The following COA6 variants were observed in gnomAD, a reference collection of about 807,000 sequenced individuals.
The protein encoded by COA6 is cytochrome c oxidase assembly factor 6, also known as cytochrome c oxidase assembly factor 6 homolog.
COA6 carries 12 observed loss-of-function variants against 17.1 expected under a neutral mutation model. The observed-to-expected ratio is 0.70, with a 90% CI of 0.45 to 1.14. The LOEUF (loss-of-function observed/expected upper bound fraction) is 1.14. Among genes scored for constraint, COA6 ranks in the 50% most tolerant of loss-of-function variants. The probability of loss-of-function intolerance (pLI) is 0.00; values close to 1 mark genes in which losing one functional copy is unlikely to be tolerated. For synonymous variants in COA6, 90 were observed against 73.4 expected, an observed-to-expected ratio of 1.23 and a Z score of -1.16; for missense variants, 246 against 196.5, an observed-to-expected ratio of 1.25 and a Z score of -1.51.
intron 2 of COA6, among the ~76,000 whole-genome samples, chr1:234,380,670 G>A (rs949987185): frequency 2.8e-4 from 43 of 152,154 alleles, no homozygotes; most frequent in African/African-American, 9.9e-4. Context: ...GTTCTCTCTC[G>A]TACTCACATA....
Position 234,383,774 on chromosome 1 carries a change from GA to G in COA6, c.426del (p.Ala143GlnfsTer27). On this transcript the variant is annotated frameshift_variant, in exon 3 of 3. Coordinates refer to ENST00000366615, the MANE Select transcript of COA6 (RefSeq NM_001206641.3). LOFTEE classifies it high-confidence loss of function. Reference protein sequence around the residue: ...RDYLKFKEKFEAGQFEPSETT... With the variant: ...RDYLKFKEKFXAGQFEPSETT... Reference sequence around the variant, plus strand: ...CTACTTAAAATTCAAAGAAAAATTTGAAGCAGGACAATTTGAGCCTTCAGAA... The same window carrying G: ...CTACTTAAAATTCAAAGAAAAATTTGAGCAGGACAATTTGAGCCTTCAGAA... The G allele has an allele frequency of 6.4e-7, 1 of 1,574,610 alleles. No individual in the cohort carries two copies. Among genetic ancestry groups the G allele is most frequent in the Non-Finnish European group, 8.7e-7 (1 of 1,147,930 alleles).
chr1:234,374,506 G>A (rs1038241502), intron 2 of COA6, 117 bp downstream of exon 2: 50 of 1,059,274 alleles, frequency 4.7e-5, no homozygotes, highest in Non-Finnish European at 6.4e-5. Flanking sequence ...TTTCTTTGAG[G>A]CGCAGAGAAA....
intron 2 of COA6, 109 bp from the exon 3 acceptor site, chr1:234,383,614 A>G (rs1391854013): frequency 5.0e-6 from 3 of 600,070 alleles, no homozygotes; most frequent in South Asian, 2.2e-5. Flanking sequence ...GTTCTAGAAT[A>G]TAAATCACTT....
chr1:234,383,572 T>TCACA (rs1221907682), intron 2 of COA6, 151 bp from the exon 3 acceptor site: 1 of 362,820 alleles, frequency 2.8e-6, no homozygotes, highest in Non-Finnish European at 4.7e-6. Context: ...TAGTTACAGC[T>TCACA]GACACACACA....
At chr1:234,374,187 T>A in intron 1 of COA6, 43 bp from the exon 2 acceptor site, 2 of 1,566,088 alleles carry the variant, frequency 1.3e-6, no homozygotes, top group Non-Finnish European at 1.7e-6. Flanking sequence ...CTCTTCAGAT[T>A]ACAAAGTTCA....
In COA6 at chr1:234,383,733, T is replaced by TTGA; in HGVS notation, c.385_387dup (p.Asp129dup). The TTGA allele has an allele frequency of 2.8e-6, 4 of 1,424,640 alleles. No homozygotes were observed. The African/African-American group carries it at 4.3e-5, about 15-fold the overall frequency. The allele number at this position is 1,424,640 out of a possible 1,614,324, so 88.2% of individuals were successfully genotyped here. On this transcript the variant is annotated inframe_insertion, in exon 3 of 3. Transcript: ENST00000366615. ...TTTTTTTTCCAACAGATAAAATATT[T>TTGA]TGATAAAAGAAGAGACTACTTAAAA...
At chr1:234,383,396 A>AG (rs372390744) in intron 2 of COA6, among the ~76,000 whole-genome samples, 13 of 78,064 alleles carry the variant, frequency 1.7e-4, no homozygotes, top group South Asian at 5.3e-4. Context: ...GGGTGGGGGG[A>AG]GGGGGGGACA....
chr1:234,373,906 G>C, intron 1 of COA6: 1 of 1,559,516 alleles, frequency 6.4e-7, no homozygotes, highest in Non-Finnish European at 8.7e-7. Flanking sequence ...AACGGGCTCG[G>C]AGAGAATAAA....
rs1274191277 is a variant in COA6, at chr1:234,384,982, T to TAGTA, written c.*1168_*1171dup. Among the ~76,000 whole-genome samples, 1 of 152,230 alleles carries TAGTA rather than the reference T, an allele frequency of 6.6e-6. No homozygotes were observed. The highest frequency in any genetic ancestry group is 2.4e-5 in the African/African-American group (1 of 41,448). On this transcript the variant is annotated 3_prime_UTR_variant, in exon 3 of 3. Coordinates refer to ENST00000366615, the MANE Select transcript of COA6 (RefSeq NM_001206641.3). ...TAGAAGTTATGTTTATACTGTTGTCTAGTAAGTGTGCAATAGCATTATGTC... is the reference window on the plus strand; with the variant it reads ...TAGAAGTTATGTTTATACTGTTGTCTAGTAAGTAAGTGTGCAATAGCATTATGTC...
At chr1:234,381,525 C>G (rs1658971762) in intron 2 of COA6, among the ~76,000 whole-genome samples, 1 of 152,186 alleles carries the variant, frequency 6.6e-6, no homozygotes, top group Non-Finnish European at 1.5e-5. Context: ...CCTCGTTTGT[C>G]TTAGAAACCT....
rs775208687 is a variant in COA6 at position 234,374,358 on chromosome 1, G to A, written c.341G>A (p.Ser114Asn). The A allele has an allele frequency of 3.7e-6, 6 of 1,613,888 alleles. No homozygotes were observed. The highest frequency in any genetic ancestry group is 2.2e-5 in the East Asian group (1 of 44,890). ...GCTTCTCAATGCAAGAAGTTAAGAA[G>A]CTCTTTCGAATCAAGTTGTCCCCAA... ...EDASQCKKLRSSFESSCPQQW... is the reference protein window; with the variant it reads ...EDASQCKKLRNSFESSCPQQW... The change falls in exon 2 of 3, where the codon AGC becomes AAC. Residue 114 changes from serine to asparagine, a missense_variant. Coordinates refer to ENST00000366615, the MANE Select transcript of COA6 (RefSeq NM_001206641.3).
At chr1:234,373,827 T>G in intron 1 of COA6, 149 bp downstream of exon 1, 1 of 1,613,552 alleles carries the variant, frequency 6.2e-7, no homozygotes. Flanking sequence ...CACACCTGTT[T>G]CTACAGCGCT....
chr1:234,377,133 T>TTTTTTTGTTG (rs60899682), intron 2 of COA6, among the ~76,000 whole-genome samples: 1 of 69,546 alleles, frequency 1.4e-5, no homozygotes, highest in Non-Finnish European at 2.7e-5. Context: ...TTTTGTTTTT[T>TTTTTTTGTTG]TTGTTGTTGT....
chr1:234,376,108 G>GAA (rs1658782118), intron 2 of COA6, among the ~76,000 whole-genome samples: 1 of 152,166 alleles, frequency 6.6e-6, no homozygotes, highest in African/African-American at 2.4e-5. Flanking sequence ...AATGACTCCA[G>GAA]AAGAAAATAT....
chr1:234,382,387 C>A (rs772689749), intron 2 of COA6, among the ~76,000 whole-genome samples: 5 of 152,332 alleles, frequency 3.3e-5, no homozygotes, highest in Admixed American at 6.5e-5. Flanking sequence ...AGACTTCAAA[C>A]AGCAAATTTC....
In COA6 at chr1:234,374,301, A is replaced by T. The variant is rs902634043; in HGVS notation, c.284A>T (p.Tyr95Phe). The T allele has an allele frequency of 5.0e-6, 8 of 1,613,908 alleles. No homozygotes were observed. The highest frequency in any genetic ancestry group is 6.8e-6 in the Non-Finnish European group (8 of 1,180,000). The change falls in exon 2 of 3, where the codon TAC becomes TTC. Residue 95 changes from tyrosine (Y) to phenylalanine (F), a missense_variant. Tyr to Phe is a conservative substitution (Grantham distance 22). Coordinates refer to ENST00000366615, the MANE Select transcript of COA6 (RefSeq NM_001206641.3). ...RQVCWGARDEYWKCLDENLED... is the reference protein window; with the variant it reads ...RQVCWGARDEFWKCLDENLED... Reference sequence around the variant, plus strand: ...GTCTGCTGGGGGGCCCGGGATGAGTACTGGAAGTGTTTAGATGAGAACTTA... The same window carrying T: ...GTCTGCTGGGGGGCCCGGGATGAGTTCTGGAAGTGTTTAGATGAGAACTTA...
intron 1 of COA6, 120 bp from the exon 2 acceptor site, chr1:234,374,110 T>G (rs1658708193): frequency 2.7e-6 from 3 of 1,112,272 alleles, no homozygotes; most frequent in Non-Finnish European, 3.6e-6. Flanking sequence ...TGTTTTGTTT[T>G]TGTTTTTTTT....
At chr1:234,377,211 C>T (rs1658833252) in intron 2 of COA6, among the ~76,000 whole-genome samples, 1 of 150,150 alleles carries the variant, frequency 6.7e-6, no homozygotes, top group Admixed American at 6.7e-5. Context: ...ACTGCAACCT[C>T]TGCTGCCCAG....
rs551955550 is a variant in COA6 at position 234,373,539 on chromosome 1, A to G, written c.73A>G (p.Thr25Ala). The change falls in exon 1 of 3, where the codon ACG becomes GCG. Residue 25 changes from threonine to alanine, a missense_variant. By Grantham distance (58) the Thr-to-Ala change is moderately conservative. Coordinates refer to ENST00000366615, the MANE Select transcript of COA6 (RefSeq NM_001206641.3). Reference sequence around the variant, plus strand: ...TTGCTTTTTGCGGCTGGGGAGGTCTACGCTTCTAGAGCTTGAGCCAGCGGG... The same window carrying G: ...TTGCTTTTTGCGGCTGGGGAGGTCTGCGCTTCTAGAGCTTGAGCCAGCGGG... ...VSCFLRLGRS[T>A]LLELEPAGRP... is the part of the protein sequence containing the mutation. The G allele has an allele frequency of 1.4e-4, 225 of 1,610,624 alleles. 1 individual carries two copies. In the East Asian group the frequency reaches 3.5e-3, roughly 25 times the overall value.
Sources: allele counts gnomAD v4.1 joint callset (sites outside exome capture counted in the v4.1 genomes callset), GRCh38; gene constraint gnomAD v4.1.1; transcripts MANE v1.5; gene names NCBI Gene and HGNC (gene_info 2026-07-23, HGNC 2026-07-21).